UBA6: variants seen among roughly 807,000 people sequenced by gnomAD.
UBA6 encodes the protein ubiquitin-like modifier-activating enzyme 6.
Under a neutral mutation model 148.3 loss-of-function variants are expected in UBA6, and 87 were observed. The observed-to-expected ratio is 0.59, with a 90% CI of 0.49 to 0.70. UBA6 has a LOEUF of 0.70. UBA6 is among the 30% of genes least tolerant of loss of function. UBA6 has a pLI of 0.00. For synonymous variants in UBA6, 376 were observed against 401.0 expected (o/e 0.94, Z 0.75); for missense variants, 1,186 against 1,241.2 (o/e 0.96, Z 0.67).
intron 1 of UBA6, among the ~76,000 whole-genome samples, chr4:67,696,984 TTTGTTG>T (rs760770139): frequency 1.3e-5 from 2 of 152,026 alleles, no homozygotes; most frequent in East Asian, 1.9e-4. Flanking sequence ...ATATATATAT[TTTGTTG>T]TTGTTGTTGT....
intron 2 of UBA6, among the ~76,000 whole-genome samples, chr4:67,690,386 G>T (rs958983357): frequency 6.6e-6 from 1 of 152,016 alleles, no homozygotes; most frequent in Non-Finnish European, 1.5e-5. Flanking sequence ...CATAACACTG[G>T]TGTTGGCACA....
chr4:67,631,953 T>G lies in UBA6; in HGVS notation c.2143-45A>C, dbSNP rs758827939. The G allele has an allele frequency of 3.2e-6, 5 of 1,539,002 alleles. No homozygotes were observed. The African/African-American group carries it at 7.0e-5, about 22-fold the overall frequency. On this transcript the variant is annotated intron_variant, in intron 23 of 32. Coordinates refer to ENST00000322244, the MANE Select transcript of UBA6 (RefSeq NM_018227.6). ...TAAAGACACCCACTACTTAATATTA[T>G]CTGAGGAAAAATTAAAAAATAAAAT... is the stretch of plus-strand genomic sequence containing the variant.
At position 67,635,537 on chromosome 4, in the gene UBA6, C is replaced by A; in HGVS notation, c.1758G>T (p.Arg586Ser). 1.2e-6 allele frequency: 2 copies of A among 1,611,204 alleles called. No homozygotes were observed. The highest frequency in any genetic ancestry group is 1.7e-6 in the Non-Finnish European group (2 of 1,177,766). The change falls in exon 20 of 33, where the codon AGG (arginine) becomes AGT (serine). Residue 586 changes from arginine (R) to serine (S), a missense_variant. Transcript: ENST00000322244. ...YVDSRCLANL[R>S]PLLDSGTMGT... ...CCATTGTTCCAGAATCTAAAAGAGG[C>A]CTTAGATTTGCTAAGCAACGACTAT...
intron 13 of UBA6, chr4:67,661,911 T>C: frequency 7.1e-6 from 3 of 424,824 alleles, no homozygotes; most frequent in Non-Finnish European, 1.2e-5. Context: ...AGAATAATAG[T>C]AACAGTTAAA....
intron 2 of UBA6, among the ~76,000 whole-genome samples, chr4:67,693,173 C>G (rs1300986058): frequency 6.6e-6 from 1 of 152,072 alleles, no homozygotes; most frequent in African/African-American, 2.4e-5. Flanking sequence ...CAACTCCTCC[C>G]CTTCCTCCTC....
chr4:67,623,061 A>G, intron 31 of UBA6, 74 bp downstream of exon 31: 1 of 1,376,370 alleles, frequency 7.3e-7, no homozygotes, highest in Non-Finnish European at 1.0e-6. Flanking sequence ...AACTTCCAAT[A>G]AAATTATAAA....
intron 26 of UBA6, among the ~76,000 whole-genome samples, chr4:67,629,591 A>T (rs1484900277): frequency 6.6e-6 from 1 of 152,052 alleles, no homozygotes; most frequent in African/African-American, 2.4e-5. Context: ...AAATGGTTAA[A>T]GATGAACTTA....
intron 32 of UBA6, among the ~76,000 whole-genome samples, chr4:67,620,090 T>C (rs1728718705): frequency 1.3e-5 from 2 of 152,198 alleles, no homozygotes; most frequent in Admixed American, 6.5e-5. Flanking sequence ...TACATAAACT[T>C]TTCATTCTTT....
chr4:67,631,610 A>T, intron 25 of UBA6, 98 bp downstream of exon 25: 1 of 906,358 alleles, frequency 1.1e-6, no homozygotes, highest in Non-Finnish European at 1.6e-6. Flanking sequence ...ATTTAACATT[A>T]AAGAGCCTAA....
At chr4:67,640,663 G>A (rs997241659) in intron 18 of UBA6, among the ~76,000 whole-genome samples, 1 of 151,972 alleles carries the variant, frequency 6.6e-6, no homozygotes. Flanking sequence ...ATGCTTTCTT[G>A]CCTGACTTAA....
chr4:67,653,006 T>C (rs1577811197), intron 13 of UBA6, among the ~76,000 whole-genome samples: 1 of 152,036 alleles, frequency 6.6e-6, no homozygotes, highest in Admixed American at 6.5e-5. Context: ...CTTGAGTAGG[T>C]AAACAAAGCA....
intron 27 of UBA6, among the ~76,000 whole-genome samples, chr4:67,626,900 A>G (rs1167373186): frequency 6.6e-6 from 1 of 151,980 alleles, no homozygotes; most frequent in East Asian, 1.9e-4. Flanking sequence ...ATTCTGACAA[A>G]TCTACTTTAA....
chr4:67,690,559 T>C (rs1405156950), intron 2 of UBA6, among the ~76,000 whole-genome samples: 1 of 152,138 alleles, frequency 6.6e-6, no homozygotes, highest in Non-Finnish European at 1.5e-5. Flanking sequence ...AAGGGGTTAA[T>C]AATATCCAAA....
rs766910168 is a variant in UBA6, at chr4:67,635,434, A to G, written c.1842+19T>C. The G allele has an allele frequency of 7.0e-7, 1 of 1,424,248 alleles. No individual in the cohort carries two copies. The highest frequency in any genetic ancestry group is 1.2e-5 in the South Asian group (1 of 82,532). 88.2% of individuals were successfully genotyped at this position (1,424,248 alleles called of 1,614,324 possible). On this transcript the variant is annotated intron_variant, in intron 20 of 32. Transcript: ENST00000322244. ...AAGATATAAAAAAGACATCTATTTC[A>G]AAATATTGATTCACTTACATGACTA...
At chr4:67,669,635 T>G (rs1577826581) in intron 8 of UBA6, among the ~76,000 whole-genome samples, 1 of 152,332 alleles carries the variant, frequency 6.6e-6, no homozygotes, top group Admixed American at 6.5e-5. Context: ...ATTGAGCTTA[T>G]GCATGATCAA....
At chr4:67,624,313 T>A (rs1229639948) in intron 29 of UBA6, 60 bp from the exon 30 acceptor site, 2 of 1,489,646 alleles carry the variant, frequency 1.3e-6, no homozygotes, top group Admixed American at 2.3e-5. Context: ...TGATTTTAAT[T>A]GCATCTATTC....
chr4:67,639,261 G>T, intron 18 of UBA6, 137 bp from the exon 19 acceptor site: 1 of 603,002 alleles, frequency 1.7e-6, no homozygotes, highest in Non-Finnish European at 2.7e-6. Flanking sequence ...AATGAGACCA[G>T]TTTTCATTTT....
At chr4:67,679,824 G>A (rs1014982188) in intron 4 of UBA6, among the ~76,000 whole-genome samples, 11 of 151,940 alleles carry the variant, frequency 7.2e-5, no homozygotes, top group East Asian at 1.9e-4. Context: ...TACTCATTAC[G>A]AACGTTCTAG....
chr4:67,694,292 A>G (rs1730777920), intron 2 of UBA6, among the ~76,000 whole-genome samples: 1 of 150,434 alleles, frequency 6.6e-6, no homozygotes, highest in South Asian at 2.1e-4. Flanking sequence ...ACTATAAAAA[A>G]AAAAACCCTC....
Sources: allele counts gnomAD v4.1 joint callset (sites outside exome capture counted in the v4.1 genomes callset), GRCh38; gene constraint gnomAD v4.1.1; transcripts MANE v1.5; gene names NCBI Gene and HGNC (gene_info 2026-07-23, HGNC 2026-07-21).